Variants in ANO1 observed in about 807,000 individuals in gnomAD.
The protein encoded by ANO1 is anoctamin 1, also known as anoctamin-1.
A neutral mutation model predicts 124.0 loss-of-function variants in ANO1; 59 were observed. That is an observed-to-expected ratio of 0.48 (90% CI 0.39 to 0.59). The LOEUF is 0.59. Ranked by LOEUF, ANO1 falls within the 20% of genes least tolerant of loss-of-function variation. ANO1 has a pLI of 0.00. For missense variants in ANO1, 1,059 were observed against 1,328.0 expected (o/e 0.80, Z 3.15); for synonymous variants, 529 against 532.0 (o/e 0.99, Z 0.08).
At chr11:70,059,337 C>A (rs1327992990) in intron 1 of ANO1, among the ~76,000 whole-genome samples, 1 of 113,736 alleles carries the variant, frequency 8.8e-6, no homozygotes. Context: ...GGCGACAGAG[C>A]GAGACACTGT....
intron 1 of ANO1, among the ~76,000 whole-genome samples, chr11:70,023,474 C>T (rs138110151): frequency 6.6e-6 from 1 of 152,294 alleles, no homozygotes; most frequent in East Asian, 1.9e-4. Context: ...ATATAGCCTT[C>T]CCCAAATGTA....
At chr11:70,063,298 G>A (rs1591067779) in intron 1 of ANO1, among the ~76,000 whole-genome samples, 1 of 152,168 alleles carries the variant, frequency 6.6e-6, no homozygotes, top group East Asian at 1.9e-4. Context: ...TGAGGGTAGA[G>A]AAAGGCAAGA....
chr11:70,032,536 G>GA (rs137963273), intron 1 of ANO1, among the ~76,000 whole-genome samples: 7,878 of 74,688 alleles, frequency 0.11, 336 homozygotes, highest in Admixed American at 0.22. Context: ...AGGCGGGAGA[G>GA]GGGGGGGGTC....
At chr11:70,050,069 T>C (rs147253459) in intron 1 of ANO1, among the ~76,000 whole-genome samples, 1,688 of 152,308 alleles carry the variant, frequency 0.011, 14 homozygotes, top group Non-Finnish European at 0.015. Context: ...GTTTTAGGAA[T>C]GACTCTTCCA....
chr11:70,125,990 G>A, intron 9 of ANO1, 71 bp from the exon 10 acceptor site: 1 of 1,509,336 alleles, frequency 6.6e-7, no homozygotes, highest in East Asian at 2.4e-5. Context: ...TGCTGGGGAG[G>A]GCCTGTGACA....
chr11:70,013,420 ATAC>A (rs1856636729), intron 1 of ANO1, among the ~76,000 whole-genome samples: 1 of 152,152 alleles, frequency 6.6e-6, no homozygotes, highest in Non-Finnish European at 1.5e-5. Flanking sequence ...TGAATCTATC[ATAC>A]ATAGAGAAAA....
At chr11:69,978,068 G>A in the ANO1 span, among the ~76,000 whole-genome samples, 3 of 152,126 alleles carry the variant, frequency 2.0e-5, no homozygotes, top group African/African-American at 7.2e-5. Context: ...CTTTCCCTGG[G>A]AACTGGCATC....
intron 25 of ANO1, 38 bp from the exon 26 acceptor site, chr11:70,187,700 C>T (rs747798868): frequency 7.0e-6 from 11 of 1,580,180 alleles, no homozygotes; most frequent in African/African-American, 1.3e-5. Context: ...TCCCCAGGCG[C>T]CATCCTCCCT....
At chr11:69,986,050 G>C (rs1856033443) in exon 1 of ANO1, 1 of 152,186 alleles carries the variant, frequency 6.6e-6, no homozygotes, top group Admixed American at 6.5e-5. Flanking sequence ...TGACTTCGTC[G>C]CTCCCTAGTC....
intron 10 of ANO1, among the ~76,000 whole-genome samples, chr11:70,130,787 G>A (rs781227222): frequency 2.6e-5 from 4 of 152,192 alleles, no homozygotes; most frequent in African/African-American, 7.2e-5. Context: ...CCGGCTTCCC[G>A]AGTGAGCCTA....
intron 1 of ANO1, among the ~76,000 whole-genome samples, chr11:70,044,106 G>T (rs189860977): frequency 6.6e-6 from 1 of 151,938 alleles, no homozygotes; most frequent in East Asian, 1.9e-4. Context: ...ATGTGAAGGG[G>T]TATAATATTT....
intron 11 of ANO1, among the ~76,000 whole-genome samples, chr11:70,146,297 G>A (rs559891514): frequency 1.3e-5 from 2 of 152,306 alleles, no homozygotes; most frequent in East Asian, 1.9e-4. Flanking sequence ...ATCTATGAAC[G>A]GGAATCCTCC....
intron 4 of ANO1, among the ~76,000 whole-genome samples, chr11:70,104,763 G>C (rs2045429847): frequency 6.6e-6 from 1 of 152,098 alleles, no homozygotes; most frequent in Non-Finnish European, 1.5e-5. Context: ...TGAGTCATGG[G>C]AACCCAGAGG....
At chr11:70,003,646 G>GATGT (rs1856429411) in intron 1 of ANO1, among the ~76,000 whole-genome samples, 2 of 151,570 alleles carry the variant, frequency 1.3e-5, no homozygotes, top group Non-Finnish European at 2.9e-5. Flanking sequence ...TGGATGGATG[G>GATGT]ATAAATGGGT....
intron 2 of ANO1, among the ~76,000 whole-genome samples, chr11:70,090,586 T>C (rs565506070): frequency 1.1e-4 from 16 of 152,338 alleles, no homozygotes; most frequent in African/African-American, 3.8e-4. Flanking sequence ...TATTGTGTCA[T>C]ATATTATTGT....
At chr11:70,072,165 G>A (rs371687618) in intron 1 of ANO1, among the ~76,000 whole-genome samples, 3 of 152,128 alleles carry the variant, frequency 2.0e-5, no homozygotes, top group Non-Finnish European at 2.9e-5. Flanking sequence ...ATTCCCCAGC[G>A]CAGGGTTGGG....
At chr11:70,042,723 C>T (rs1857203252) in intron 1 of ANO1, among the ~76,000 whole-genome samples, 1 of 152,198 alleles carries the variant, frequency 6.6e-6, no homozygotes, top group Non-Finnish European at 1.5e-5. Flanking sequence ...CTCATGGTCT[C>T]ACCAGCTGAG....
At chr11:69,986,294 A>T (rs1281201078) in intron 1 of ANO1, 3 of 151,744 alleles carry the variant, frequency 2.0e-5, no homozygotes, top group African/African-American at 7.3e-5. Context: ...AGGGACCCCC[A>T]CCTCTGGTGG....
chr11:70,088,186 T>G, intron 2 of ANO1, 102 bp downstream of exon 2: 204 of 773,518 alleles, frequency 2.6e-4, no homozygotes, highest in Middle Eastern at 4.1e-4. Context: ...GCGAGGCTGG[T>G]ATCTTGTTTT....
Sources: gnomAD v4.1 joint callset for allele counts (sites outside exome capture counted in the v4.1 genomes callset) on GRCh38, gnomAD v4.1.1 for gene constraint, MANE v1.5 for transcripts, NCBI Gene and HGNC (gene_info 2026-07-23, HGNC 2026-07-21) for gene names.